The following HPSE2 variants were observed in gnomAD, a reference collection of about 807,000 sequenced individuals.
HPSE2 encodes heparanase 2 (inactive), also known as inactive heparanase-2.
A neutral mutation model predicts 60.5 loss-of-function variants in HPSE2; 38 were observed. The observed-to-expected ratio is 0.63, with a 90% confidence interval of 0.48 to 0.82. HPSE2 has a LOEUF of 0.82. HPSE2 is among the 40% of genes least tolerant of loss of function. The pLI is 0.00. For synonymous variants in HPSE2, 295 were observed against 293.2 expected, an observed-to-expected ratio of 1.01 and a Z score of -0.06; for missense variants, 713 against 740.4, an observed-to-expected ratio of 0.96 and a Z score of 0.43.
chr10:98,739,654 G>A (rs1231620153), intron 4 of HPSE2, among the ~76,000 whole-genome samples: 1 of 152,048 alleles, frequency 6.6e-6, no homozygotes, highest in Non-Finnish European at 1.5e-5. Flanking sequence ...AGGCTCCAGA[G>A]AACTGAGTCA....
rs113335529 is a variant in HPSE2 at position 98,992,733 on chromosome 10, T to C, written c.610+151505A>G. Among the ~76,000 whole-genome samples the C allele has an allele frequency of 2.6e-3, 401 of 152,338 alleles. 2 individuals carry two copies. Among genetic ancestry groups the C allele is most frequent in the African/African-American group, 9.4e-3 (391 of 41,582 alleles). On this transcript the variant is annotated intron_variant, in intron 3 of 11. Coordinates refer to ENST00000370552, the MANE Select transcript of HPSE2 (RefSeq NM_021828.5). The stretch of plus-strand genomic sequence containing the variant: ...AGAAAGAAATAACATCTTTCTTCCC[T>C]ACAAGTATTCTCAATGGTAGCCATG...
In HPSE2 at chr10:99,043,741, T is replaced by G. The variant is rs192869825; in HGVS notation, c.610+100497A>C. 4.0e-3 allele frequency among the ~76,000 whole-genome samples: 608 copies of G among 152,168 alleles called. 3 individuals are homozygous for G. The highest frequency in any genetic ancestry group is 0.014 in the African/African-American group (591 of 41,514). On this transcript the variant is annotated intron_variant, in intron 3 of 11. Coordinates refer to ENST00000370552, the MANE Select transcript of HPSE2 (RefSeq NM_021828.5). Reference sequence around the variant, plus strand: ...GTAATACAATCAGAAGCATTAATAGTAGAATAGACCAAACTGAGGAAAGAA... The same window carrying G: ...GTAATACAATCAGAAGCATTAATAGGAGAATAGACCAAACTGAGGAAAGAA...
intron 3 of HPSE2, among the ~76,000 whole-genome samples, chr10:98,795,118 G>A (rs1482247753): frequency 6.6e-6 from 1 of 151,456 alleles, no homozygotes; most frequent in African/African-American, 2.4e-5. Flanking sequence ...TGGAAGAATA[G>A]AAGCCTATAG....
intron 4 of HPSE2, among the ~76,000 whole-genome samples, chr10:98,743,312 C>T (rs779546157): frequency 1.5e-4 from 23 of 152,146 alleles, no homozygotes; most frequent in Non-Finnish European, 2.1e-4. Flanking sequence ...TGTGACTGCA[C>T]AGGCTGCACA....
chr10:99,298,715 G>GTA, the HPSE2 span, among the ~76,000 whole-genome samples: 1 of 149,548 alleles, frequency 6.7e-6, no homozygotes, highest in African/African-American at 2.5e-5. Context: ...TCGCTCTGTC[G>GTA]CCAGGCTGGA....
At chr10:98,494,794 A>T (rs1319064597) in intron 9 of HPSE2, among the ~76,000 whole-genome samples, 1 of 152,212 alleles carries the variant, frequency 6.6e-6, no homozygotes, top group Non-Finnish European at 1.5e-5. Context: ...CAAAAATTGG[A>T]GTTACAAACC....
At chr10:98,548,273 T>C (rs1412482717) in intron 9 of HPSE2, among the ~76,000 whole-genome samples, 2 of 152,176 alleles carry the variant, frequency 1.3e-5, no homozygotes, top group Admixed American at 1.3e-4. Context: ...AGTATATTGT[T>C]GACAGTGGGT....
chr10:99,075,839 G>T (rs1032571311), intron 3 of HPSE2, among the ~76,000 whole-genome samples: 1 of 151,846 alleles, frequency 6.6e-6, no homozygotes. Context: ...TAGCCACTCT[G>T]CTCTCTTTTG....
chr10:99,260,761 T>C, the HPSE2 span, among the ~76,000 whole-genome samples: 2 of 152,162 alleles, frequency 1.3e-5, no homozygotes, highest in African/African-American at 4.8e-5. Context: ...CTCACCCACA[T>C]TGCAGCCCAG....
At chr10:98,462,620 C>T (rs1940344402) in intron 11 of HPSE2, among the ~76,000 whole-genome samples, 2 of 152,216 alleles carry the variant, frequency 1.3e-5, no homozygotes, top group Non-Finnish European at 2.9e-5. Flanking sequence ...ATATTTCTCT[C>T]TGTTTTCCTC....
chr10:98,597,613 G>A (rs1945276915), intron 9 of HPSE2, among the ~76,000 whole-genome samples: 1 of 151,550 alleles, frequency 6.6e-6, no homozygotes, highest in Admixed American at 6.6e-5. Context: ...AGAGGTTGCA[G>A]TGAGCCGAGA....
At chr10:98,971,754 CCT>C (rs1313311325) in intron 3 of HPSE2, among the ~76,000 whole-genome samples, 1 of 152,042 alleles carries the variant, frequency 6.6e-6, no homozygotes, top group Non-Finnish European at 1.5e-5. Flanking sequence ...CAACAAATAC[CCT>C]CATATCTGGC....
intron 6 of HPSE2, among the ~76,000 whole-genome samples, chr10:98,685,665 G>T (rs543795885): frequency 6.6e-6 from 1 of 152,040 alleles, no homozygotes; most frequent in African/African-American, 2.4e-5. Context: ...TGAACACCTG[G>T]GCTTTTACAA....
chr10:98,890,202 T>A (rs1953294740), intron 3 of HPSE2, among the ~76,000 whole-genome samples: 1 of 152,200 alleles, frequency 6.6e-6, no homozygotes, highest in African/African-American at 2.4e-5. Context: ...ATTTTGTTTT[T>A]ACCCAATAAC....
At chr10:99,088,770 G>A (rs1042604344) in intron 3 of HPSE2, among the ~76,000 whole-genome samples, 4 of 152,122 alleles carry the variant, frequency 2.6e-5, no homozygotes, top group Non-Finnish European at 4.4e-5. Context: ...GTTCTTTAAG[G>A]AATCTCCACA....
At chr10:98,842,726 A>G (rs1477203155) in intron 3 of HPSE2, among the ~76,000 whole-genome samples, 1 of 152,072 alleles carries the variant, frequency 6.6e-6, no homozygotes, top group African/African-American at 2.4e-5. Flanking sequence ...TCCATGGTTT[A>G]CCTTAGGGTT....
intron 9 of HPSE2, among the ~76,000 whole-genome samples, chr10:98,525,085 A>C (rs1942921796): frequency 6.6e-6 from 1 of 152,176 alleles, no homozygotes; most frequent in African/African-American, 2.4e-5. Context: ...ATCTTGGCTC[A>C]CTGCAACCTC....
At chr10:99,000,120 A>G (rs545557438) in intron 3 of HPSE2, among the ~76,000 whole-genome samples, 126 of 152,282 alleles carry the variant, frequency 8.3e-4, no homozygotes, top group African/African-American at 2.4e-3. Flanking sequence ...GCAGGGGGAA[A>G]AAAAGGCAGT....
chr10:99,109,100 T>C (rs1354709990), intron 3 of HPSE2, among the ~76,000 whole-genome samples: 2 of 152,186 alleles, frequency 1.3e-5, no homozygotes, highest in African/African-American at 4.8e-5. Context: ...AGCCTCTCAA[T>C]AAAAATTGTG....
Sources: allele counts gnomAD v4.1 joint callset (sites outside exome capture counted in the v4.1 genomes callset), GRCh38; gene constraint gnomAD v4.1.1; transcripts MANE v1.5; gene names NCBI Gene and HGNC (gene_info 2026-07-23, HGNC 2026-07-21).